The following CUX1 variants were observed in gnomAD, a reference collection of about 807,000 sequenced individuals.
The protein encoded by CUX1 is cut like homeobox 1.
A neutral mutation model predicts 158.8 loss-of-function variants in CUX1; 31 were observed. That is an observed-to-expected ratio of 0.20 (90% CI 0.15 to 0.26). The LOEUF (loss-of-function observed/expected upper bound fraction) is 0.26. CUX1 is among the 10% of genes least tolerant of loss of function. The pLI is 1.00. For missense variants in CUX1, 1,589 were observed against 2,014.6 expected, an observed-to-expected ratio of 0.79 and a Z score of 4.04; for synonymous variants, 879 against 862.1, an observed-to-expected ratio of 1.02 and a Z score of -0.34.
At chr7:101,938,394 A>G (rs770342669) in intron 2 of CUX1, among the ~76,000 whole-genome samples, 5 of 152,210 alleles carry the variant, frequency 3.3e-5, no homozygotes, top group African/African-American at 4.8e-5. Context: ...GGCATGAGCC[A>G]CTGTGCCTGG....
chr7:101,953,345 C>G (rs1042008041), intron 2 of CUX1, among the ~76,000 whole-genome samples: 1 of 152,168 alleles, frequency 6.6e-6, no homozygotes, highest in South Asian at 2.1e-4. Flanking sequence ...AATACATTCC[C>G]GGCCCTCATA....
intron 2 of CUX1, among the ~76,000 whole-genome samples, chr7:101,962,912 G>A (rs1394280424): frequency 1.3e-5 from 2 of 151,954 alleles, no homozygotes; most frequent in Non-Finnish European, 2.9e-5. Context: ...GTAGAGACAG[G>A]GTCTTGCCAT....
chr7:102,211,263 T>C (rs1322101419), intron 20 of CUX1, among the ~76,000 whole-genome samples: 3 of 151,496 alleles, frequency 2.0e-5, no homozygotes, highest in African/African-American at 4.9e-5. Flanking sequence ...CTGGCCAACA[T>C]GGTGAAACTC....
At chr7:101,891,040 T>C (rs1800827479) in intron 1 of CUX1, among the ~76,000 whole-genome samples, 1 of 152,140 alleles carries the variant, frequency 6.6e-6, no homozygotes, top group South Asian at 2.1e-4. Context: ...ACATTTTGAA[T>C]ACTTCTCTAT....
chr7:102,280,187 C>T, intron 19 of CUX1: 1 of 1,058,298 alleles, frequency 9.4e-7, no homozygotes, highest in Non-Finnish European at 1.4e-6. Flanking sequence ...GGGGTCCCCC[C>T]ATCACTTGGC....
intron 2 of CUX1, among the ~76,000 whole-genome samples, chr7:101,956,051 A>G (rs1413269941): frequency 2.7e-5 from 4 of 149,732 alleles, no homozygotes; most frequent in South Asian, 4.3e-4. Context: ...GTGAGGTGGC[A>G]CATGCCTGTA....
intron 8 of CUX1, among the ~76,000 whole-genome samples, chr7:102,133,247 C>T (rs1403395998): frequency 1.3e-5 from 2 of 152,028 alleles, no homozygotes; most frequent in Non-Finnish European, 2.9e-5. Flanking sequence ...CAAACTCCAC[C>T]GTCCTATAGA....
intron 20 of CUX1, among the ~76,000 whole-genome samples, chr7:102,211,723 T>C (rs934792752): frequency 7.5e-6 from 1 of 134,002 alleles, no homozygotes; most frequent in South Asian, 2.4e-4. Flanking sequence ...CAGGTTGCAG[T>C]GGGCCGAGAT....
intron 1 of CUX1, among the ~76,000 whole-genome samples, chr7:101,836,724 T>TC (rs1794677835): frequency 6.7e-6 from 1 of 150,260 alleles, no homozygotes. Flanking sequence ...GGCTGTTCCT[T>TC]CCCCACGGCC....
At chr7:101,826,373 A>T (rs1370905647) in intron 1 of CUX1, among the ~76,000 whole-genome samples, 4 of 140,670 alleles carry the variant, frequency 2.8e-5, no homozygotes, top group South Asian at 2.2e-4. Flanking sequence ...TGATTTTTCC[A>T]TTTTTTTTTT....
At chr7:101,937,587 T>G (rs1807094898) in intron 2 of CUX1, among the ~76,000 whole-genome samples, 1 of 152,070 alleles carries the variant, frequency 6.6e-6, no homozygotes, top group African/African-American at 2.4e-5. Flanking sequence ...CTTGGCCCAT[T>G]GCAACCCCTG....
chr7:102,202,992 C>T (rs1295406664), intron 18 of CUX1, among the ~76,000 whole-genome samples: 1 of 152,094 alleles, frequency 6.6e-6, no homozygotes, highest in African/African-American at 2.4e-5. Flanking sequence ...TTTGAGATGG[C>T]GTCTCACTCT....
At position 101,917,142 on chromosome 7, in the gene CUX1, A is replaced by G. The variant is rs192319673; in HGVS notation, c.141+917A>G. Among the ~76,000 whole-genome samples the G allele has an allele frequency of 1.3e-4, 20 of 152,248 alleles. No homozygotes were observed. In the East Asian group the frequency reaches 3.7e-3, roughly 28 times the overall value. On this transcript the variant is annotated intron_variant, in intron 2 of 23. Coordinates refer to ENST00000292535, the MANE Select transcript of CUX1 (RefSeq NM_181552.4). ...ATCGTAGCTCTTGGCTCCTCCATAT[A>G]AGACATAGGAACATGCCTGGAGGCA...
chr7:102,166,800 T>C (rs1407877614), intron 9 of CUX1, among the ~76,000 whole-genome samples: 2 of 152,152 alleles, frequency 1.3e-5, no homozygotes, highest in South Asian at 2.1e-4. Flanking sequence ...GTATTTTTTT[T>C]CGACGCCCTC....
At chr7:101,967,101 C>T (rs1811321346) in intron 2 of CUX1, among the ~76,000 whole-genome samples, 1 of 152,188 alleles carries the variant, frequency 6.6e-6, no homozygotes, top group East Asian at 1.9e-4. Context: ...GCAACCTCCA[C>T]CTCCCGGGTT....
intron 21 of CUX1, among the ~76,000 whole-genome samples, chr7:102,232,453 C>A (rs1563456715): frequency 6.6e-6 from 1 of 152,172 alleles, no homozygotes; most frequent in Non-Finnish European, 1.5e-5. Flanking sequence ...AGGATGTAAG[C>A]CACAGAGAGA....
chr7:102,045,041 T>C (rs1822573801), intron 3 of CUX1, among the ~76,000 whole-genome samples: 1 of 152,156 alleles, frequency 6.6e-6, no homozygotes, highest in Admixed American at 6.5e-5. Flanking sequence ...TGTGGTGATG[T>C]GGCTGCTGTA....
chr7:102,038,900 G>A (rs1418780833), intron 3 of CUX1, among the ~76,000 whole-genome samples: 1 of 152,094 alleles, frequency 6.6e-6, no homozygotes, highest in Non-Finnish European at 1.5e-5. Flanking sequence ...GGCTTTGATA[G>A]CAACACTGCA....
At chr7:101,952,396 A>T (rs562032268) in intron 2 of CUX1, among the ~76,000 whole-genome samples, 1 of 152,248 alleles carries the variant, frequency 6.6e-6, no homozygotes, top group Non-Finnish European at 1.5e-5. Flanking sequence ...TAAATAAATT[A>T]AAAGTACAGA....
Sources: allele counts gnomAD v4.1 joint callset (sites outside exome capture counted in the v4.1 genomes callset), GRCh38; gene constraint gnomAD v4.1.1; transcripts MANE v1.5; gene names NCBI Gene and HGNC (gene_info 2026-07-23, HGNC 2026-07-21).